SGO1: variants seen among roughly 807,000 people sequenced by gnomAD.
SGO1 encodes shugoshin 1, also known as serologically defined breast cancer antigen NY-BR-85.
Under a neutral mutation model 50.5 loss-of-function variants are expected in SGO1, and 39 were observed. That is an observed-to-expected ratio of 0.77 (90% CI 0.60 to 1.01). SGO1 has a LOEUF of 1.01. Ranked by LOEUF, SGO1 falls within the 50% of genes least tolerant of loss-of-function variation. The pLI, the probability that SGO1 is intolerant of heterozygous loss-of-function variation, is 0.00. For synonymous variants in SGO1, 191 were observed against 205.1 expected (o/e 0.93, Z 0.59); for missense variants, 638 against 606.0 (o/e 1.05, Z -0.55).
At chr3:20,175,550 A>G (rs1488339089) in intron 5 of SGO1, among the ~76,000 whole-genome samples, 2 of 152,100 alleles carry the variant, frequency 1.3e-5, no homozygotes, top group Non-Finnish European at 2.9e-5. Context: ...TAATCCCAGC[A>G]CTTTGGGAGG....
At chr3:20,177,969 T>C (rs1470231941) in intron 4 of SGO1, among the ~76,000 whole-genome samples, 1 of 151,970 alleles carries the variant, frequency 6.6e-6, no homozygotes, top group Non-Finnish European at 1.5e-5. Flanking sequence ...CTTCTTAGAA[T>C]AAAAACATGG....
At position 20,163,277 on chromosome 3, in the gene SGO1, C is replaced by T. The variant is rs1226553285; in HGVS notation, c.1565-2051G>A. Reference sequence around the variant, plus strand: ...AAAAGCACAGCCTGTTGCCAGCACTCGTTTAATTTTACATAAACATGCTCT... The same window carrying T: ...AAAAGCACAGCCTGTTGCCAGCACTTGTTTAATTTTACATAAACATGCTCT... On this transcript the variant is annotated intron_variant, in intron 8 of 8. Coordinates refer to the SGO1 transcript ENST00000263753. 4.6e-5 allele frequency among the ~76,000 whole-genome samples: 7 copies of T among 152,212 alleles called. No individual in the cohort carries two copies. In the South Asian group the frequency reaches 8.3e-4, roughly 18 times the overall value.
rs1701190492 is a variant in SGO1, at chr3:20,174,802, G to A, written c.729C>T (p.His243=). The A allele has an allele frequency of 6.2e-7, 1 of 1,614,046 alleles. No homozygotes were observed. The highest frequency in any genetic ancestry group is 8.5e-7 in the Non-Finnish European group (1 of 1,180,006). The change falls in exon 6 of 8, where the codon CAC becomes CAT. Residue 243 remains histidine, a synonymous_variant. Transcript: ENST00000412997. ...VNMHIPENVQ[H]NACQWSKDQV... ...GGTCCTTGCTCCATTGACAAGCATT[G>A]TGTTGTACATTTTCAGGTATGTGCA...
Position 20,183,668 on chromosome 3 carries a change from T to G in SGO1, c.279A>C (p.Thr93=), listed in dbSNP as rs1459093641. 1.2e-6 allele frequency: 2 copies of G among 1,611,584 alleles called. No homozygotes were observed. Among genetic ancestry groups the G allele is most frequent in the East Asian group, 4.5e-5 (2 of 44,808 alleles). The change falls in exon 3 of 8, where the codon ACA becomes ACC. Residue 93 remains threonine, a synonymous_variant. Coordinates refer to ENST00000412997, the MANE Select transcript of SGO1 (RefSeq NM_001199251.3). ...LQLRKECYYL[T]CQLYALKGKL... ...TTCCTTTCAATGCATATAGCTGACA[T>G]GTGAGATAGTAACATTCTTTTCTCA...
rs572413416 is a variant in SGO1 at position 20,172,250 on chromosome 3, C to G, written c.1283-1018G>C. Among the ~76,000 whole-genome samples, 17 of 152,266 alleles carry G rather than the reference C, an allele frequency of 1.1e-4. No homozygotes were observed. In the South Asian group the frequency reaches 3.5e-3, roughly 32 times the overall value. Reference sequence around the variant, plus strand: ...GGCACGGTGGCTCACGCCAGTAATCCCAGCACTTAGGGAGGCCGAGGTGGG... The same window carrying G: ...GGCACGGTGGCTCACGCCAGTAATCGCAGCACTTAGGGAGGCCGAGGTGGG... On this transcript the variant is annotated intron_variant, in intron 6 of 7. Coordinates refer to ENST00000412997, the MANE Select transcript of SGO1 (RefSeq NM_001199251.3).
chr3:20,173,609 T>C (rs1383216139), intron 6 of SGO1, among the ~76,000 whole-genome samples: 1 of 152,242 alleles, frequency 6.6e-6, no homozygotes, highest in Admixed American at 6.5e-5. Flanking sequence ...TGTGACAATA[T>C]TTTGAAAATG....
chr3:20,164,213 A>G (rs978109784), intron 8 of SGO1, among the ~76,000 whole-genome samples: 21 of 152,164 alleles, frequency 1.4e-4, no homozygotes, highest in Non-Finnish European at 2.9e-4. Context: ...AAATTCAGCA[A>G]TATACAAAAA....
chr3:20,175,800 A>AAG (rs976317827), intron 5 of SGO1, among the ~76,000 whole-genome samples: 4 of 151,946 alleles, frequency 2.6e-5, no homozygotes, highest in African/African-American at 7.3e-5. Context: ...ACTGTCAAAA[A>AAG]AAAAAAAAAT....
chr3:20,161,017 A>G, exon 9 of SGO1: 2 of 1,579,714 alleles, frequency 1.3e-6, no homozygotes, highest in Non-Finnish European at 1.7e-6. Context: ...CTCCCCCAAC[A>G]CATAAAGCTA....
chr3:20,174,789 A>C lies in SGO1; in HGVS notation c.742T>G (p.Trp248Gly). 6.2e-7 allele frequency: 1 copy of C among 1,614,084 alleles called. No individual in the cohort carries two copies. Among genetic ancestry groups the C allele is most frequent in the Non-Finnish European group, 8.5e-7 (1 of 1,180,018 alleles). The change falls in exon 6 of 8, where the codon TGG becomes GGG. Residue 248 changes from tryptophan to glycine, a missense_variant. Trp to Gly is a radical substitution (Grantham distance 184). Transcript: ENST00000412997. ...PENVQHNACQWSKDQVNLSPK... is the reference protein window; with the variant it reads ...PENVQHNACQGSKDQVNLSPK... Reference sequence around the variant, plus strand: ...GATAAGTTAACTTGGTCCTTGCTCCATTGACAAGCATTGTGTTGTACATTT... The same window carrying C: ...GATAAGTTAACTTGGTCCTTGCTCCCTTGACAAGCATTGTGTTGTACATTT...
intron 6 of SGO1, among the ~76,000 whole-genome samples, chr3:20,171,523 A>T (rs1700743685): frequency 6.6e-6 from 1 of 152,118 alleles, no homozygotes; most frequent in Non-Finnish European, 1.5e-5. Flanking sequence ...TTCTTTTTTT[A>T]GCTTTTTCAT....
chr3:20,174,196 G>C lies in SGO1; in HGVS notation c.1282+53C>G, dbSNP rs1701091137. ...TAAGTATAGTATATAAGCATCAGGA[G>C]TGATCATTTATCACGAACATTAAAA... On this transcript the variant is annotated intron_variant, in intron 6 of 7. Coordinates refer to ENST00000412997, the MANE Select transcript of SGO1 (RefSeq NM_001199251.3). The C allele has an allele frequency of 2.1e-5, 29 of 1,364,046 alleles. No individual in the cohort carries two copies. In the South Asian group the frequency reaches 3.3e-4, roughly 16 times the overall value. The allele number at this position is 1,364,046 out of a possible 1,614,324, so 84.5% of individuals were successfully genotyped here.
In SGO1 at chr3:20,174,458, C is replaced by G; in HGVS notation, c.1073G>C (p.Arg358Thr). The G allele has an allele frequency of 6.2e-7, 1 of 1,614,132 alleles. No homozygotes were observed. The highest frequency in any genetic ancestry group is 8.5e-7 in the Non-Finnish European group (1 of 1,180,012). The change falls in exon 6 of 8, where the codon AGA becomes ACA. Residue 358 changes from arginine (R) to threonine (T), a missense_variant. Arg to Thr is a moderately conservative substitution (Grantham distance 71). Coordinates refer to ENST00000412997, the MANE Select transcript of SGO1 (RefSeq NM_001199251.3). ...CACTTCAGACTCGTTGTTTTCTTCT[C>G]TATTAGAGTCATTGCTCACTTTTTG... ...FRQKVSNDSN[R>T]EENNESEVSL...
intron 4 of SGO1, among the ~76,000 whole-genome samples, chr3:20,176,945 G>C (rs1325108758): frequency 6.6e-6 from 1 of 152,140 alleles, no homozygotes. Flanking sequence ...TACGGAAACA[G>C]CCCATGAGAA....
chr3:20,160,906 T>A, exon 9 of SGO1: 1 of 627,962 alleles, frequency 1.6e-6, no homozygotes, highest in Non-Finnish European at 2.6e-6. Flanking sequence ...CACGTACTGA[T>A]TCCTCGGTCA....
intron 6 of SGO1, among the ~76,000 whole-genome samples, chr3:20,173,623 C>G (rs1219726334): frequency 1.3e-5 from 2 of 152,140 alleles, no homozygotes; most frequent in African/African-American, 4.8e-5. Context: ...GAAAATGATA[C>G]AACTTGACTA....
intron 3 of SGO1, among the ~76,000 whole-genome samples, chr3:20,179,996 T>C (rs905319078): frequency 1.3e-5 from 2 of 152,136 alleles, no homozygotes; most frequent in Non-Finnish European, 2.9e-5. Context: ...GGATAAAATC[T>C]AGATTCAGAG....
chr3:20,164,746 CA>C (rs1403041601), downstream of SGO1, among the ~76,000 whole-genome samples: 1 of 151,946 alleles, frequency 6.6e-6, no homozygotes, highest in Non-Finnish European at 1.5e-5. Context: ...ATATGAAAAT[CA>C]ATTGTATTCC....
intron 6 of SGO1, among the ~76,000 whole-genome samples, chr3:20,171,939 C>T (rs1257502933): frequency 6.6e-6 from 1 of 152,166 alleles, no homozygotes; most frequent in Non-Finnish European, 1.5e-5. Context: ...CACTGCAAAA[C>T]AATCTCCTCA....
Sources: gnomAD v4.1 joint callset for allele counts (sites outside exome capture counted in the v4.1 genomes callset) on GRCh38, gnomAD v4.1.1 for gene constraint, MANE v1.5 for transcripts, NCBI Gene and HGNC (gene_info 2026-07-23, HGNC 2026-07-21) for gene names.